The following SPSB1 variants were observed in gnomAD, a reference collection of about 807,000 sequenced individuals.
SPSB1 encodes splA/ryanodine receptor domain and SOCS box containing 1.
SPSB1 carries 8 observed loss-of-function variants against 21.2 expected under a neutral mutation model. The ratio of observed to expected loss-of-function variants is 0.38; its 90% CI spans 0.22 to 0.68. The LOEUF (loss-of-function observed/expected upper bound fraction) is 0.68. Among genes scored for constraint, SPSB1 ranks in the 30% least tolerant of loss-of-function variants. The pLI, the probability that SPSB1 is intolerant of heterozygous loss-of-function variation, is 0.53. For missense variants in SPSB1, 242 were observed against 377.8 expected (o/e 0.64, Z 2.98); for synonymous variants, 169 against 161.7 (o/e 1.05, Z -0.34).
intron 1 of SPSB1, among the ~76,000 whole-genome samples, chr1:9,318,486 C>T (rs1639650303): frequency 6.6e-6 from 1 of 152,214 alleles, no homozygotes; most frequent in South Asian, 2.1e-4. Context: ...CCTCCTTCCT[C>T]CACTCCCAGG....
chr1:9,306,567 T>A (rs534235214), intron 1 of SPSB1, among the ~76,000 whole-genome samples: 1 of 152,288 alleles, frequency 6.6e-6, no homozygotes, highest in African/African-American at 2.4e-5. Context: ...ACTACCCATT[T>A]TACAGATGAG....
At position 9,367,848 on chromosome 1, in the gene SPSB1, ACTC is replaced by A; in HGVS notation, c.*276_*278del. ...CTTTGAAAAAAGACACAGAGAATAA[ACTC>A]CTACGAAAGCCCTACATTGAGCTCC... On this transcript the variant is annotated 3_prime_UTR_variant, in exon 3 of 3. Coordinates refer to ENST00000328089, the MANE Select transcript of SPSB1 (RefSeq NM_025106.4). The surrounding 1 kb of genome is among the most constrained non-coding windows in gnomAD (Gnocchi z 5.9). 2.2e-6 allele frequency: 1 copy of A among 447,932 alleles called. No individual in the cohort carries two copies. Among genetic ancestry groups the A allele is most frequent in the Non-Finnish European group, 4.0e-6 (1 of 250,422 alleles). The allele number at this position is 447,932 out of a possible 1,614,324, so 27.7% of individuals were successfully genotyped here.
chr1:9,359,825 G>A (rs1297161169), intron 2 of SPSB1, among the ~76,000 whole-genome samples: 1 of 148,006 alleles, frequency 6.8e-6, no homozygotes, highest in South Asian at 2.2e-4. Context: ...GAGGTGATGG[G>A]AGCTTGGGCC....
intron 2 of SPSB1, among the ~76,000 whole-genome samples, chr1:9,360,679 T>C (rs1214868992): frequency 6.6e-6 from 1 of 152,206 alleles, no homozygotes; most frequent in Non-Finnish European, 1.5e-5. Flanking sequence ...CCTGTGTATG[T>C]GTCTCTCCGT....
At chr1:9,327,658 A>G (rs914574113) in intron 1 of SPSB1, among the ~76,000 whole-genome samples, 2 of 152,102 alleles carry the variant, frequency 1.3e-5, no homozygotes, top group African/African-American at 4.8e-5. Context: ...GTGGGGGAGA[A>G]ATTTGACCCC....
At chr1:9,350,659 C>G (rs1272846048) in intron 1 of SPSB1, among the ~76,000 whole-genome samples, 1 of 152,218 alleles carries the variant, frequency 6.6e-6, no homozygotes, top group Non-Finnish European at 1.5e-5. Flanking sequence ...CATCTGTCCT[C>G]TGCTCTCCCG....
rs1442951401 is a variant in SPSB1, at chr1:9,348,956, TG to T, written c.-149-6786del. On this transcript the variant is annotated intron_variant, in intron 1 of 2. Coordinates refer to ENST00000328089, the MANE Select transcript of SPSB1 (RefSeq NM_025106.4). The surrounding 1 kb of genome is among the most constrained non-coding windows in gnomAD (Gnocchi z 4.8). The stretch of plus-strand genomic sequence containing the variant: ...GCAAGAATGTGTGTGTGTGTGTGTG[TG>T]TGTGTGTATATGTGCGTGTGTGCAC... 7.3e-5 allele frequency among the ~76,000 whole-genome samples: 11 copies of T among 150,816 alleles called. No homozygotes were observed. The highest frequency in any genetic ancestry group is 1.3e-4 in the Admixed American group (2 of 15,180).
chr1:9,312,652 G>C (rs1172635013), intron 1 of SPSB1, among the ~76,000 whole-genome samples: 1 of 152,162 alleles, frequency 6.6e-6, no homozygotes, highest in African/African-American at 2.4e-5. Context: ...TGTTGGACGA[G>C]CAGCTCATGA....
intron 1 of SPSB1, among the ~76,000 whole-genome samples, chr1:9,344,668 CCTT>C (rs1349414177): frequency 6.6e-6 from 1 of 151,120 alleles, no homozygotes; most frequent in Non-Finnish European, 1.5e-5. Flanking sequence ...TGAACGCTGC[CCTT>C]CTTATTCTTA....
chr1:9,366,676 C>T lies in SPSB1; in HGVS notation c.695-772C>T, dbSNP rs375215572. Among the ~76,000 whole-genome samples the T allele has an allele frequency of 2.6e-5, 4 of 151,482 alleles. No individual in the cohort carries two copies. The East Asian group carries it at 7.8e-4, about 29-fold the overall frequency. ...GCAACCTCCATCTCCCAGGTTCAAG[C>T]GATTCTCCTGCCTCAGACTCCTGAG... On this transcript the variant is annotated intron_variant, in intron 2 of 2. Transcript: ENST00000328089.
chr1:9,352,767 G>T (rs1640285150), intron 1 of SPSB1, among the ~76,000 whole-genome samples: 1 of 151,108 alleles, frequency 6.6e-6, no homozygotes, highest in African/African-American at 2.4e-5. Context: ...CCCTGTTATG[G>T]TCCCTCCTGG....
chr1:9,306,465 A>G (rs1409379038), intron 1 of SPSB1, among the ~76,000 whole-genome samples: 1 of 152,196 alleles, frequency 6.6e-6, no homozygotes, highest in Non-Finnish European at 1.5e-5. Flanking sequence ...AATAGCCATC[A>G]ACGATGTGGC....
At chr1:9,331,321 GTTTTTT>G (rs34199175) in intron 1 of SPSB1, among the ~76,000 whole-genome samples, 4 of 53,704 alleles carry the variant, frequency 7.4e-5, no homozygotes, top group Admixed American at 3.0e-4. Context: ...TGGTGCTCTT[GTTTTTT>G]TTTTTTTTTT....
At chr1:9,335,321 G>A (rs961962587) in intron 1 of SPSB1, among the ~76,000 whole-genome samples, 1 of 151,636 alleles carries the variant, frequency 6.6e-6, no homozygotes, top group East Asian at 1.9e-4. Flanking sequence ...GGCCAACATG[G>A]CGAAACCCCG....
chr1:9,349,212 G>T (rs956909815), intron 1 of SPSB1, among the ~76,000 whole-genome samples: 1 of 152,202 alleles, frequency 6.6e-6, no homozygotes, highest in African/African-American at 2.4e-5. Flanking sequence ...GCTGCTCTCC[G>T]GCTCTGAGGG....
chr1:9,319,300 G>C (rs1380219273), intron 1 of SPSB1, among the ~76,000 whole-genome samples: 2 of 152,228 alleles, frequency 1.3e-5, no homozygotes, highest in African/African-American at 4.8e-5. Flanking sequence ...CTGCGGGTCA[G>C]CATGTGGACA....
chr1:9,306,927 CTTCTTT>C (rs1458169749), intron 1 of SPSB1, among the ~76,000 whole-genome samples: 2 of 32,760 alleles, frequency 6.1e-5, no homozygotes, highest in Admixed American at 2.9e-4. Flanking sequence ...TTCTTCTTTT[CTTCTTT>C]TTTTTTTTTT....
intron 1 of SPSB1, among the ~76,000 whole-genome samples, chr1:9,331,045 TG>T (rs1245814656): frequency 6.6e-6 from 1 of 152,198 alleles, no homozygotes; most frequent in Non-Finnish European, 1.5e-5. Context: ...TCTGCATCTT[TG>T]GGGATGCCAT....
At chr1:9,315,676 A>T (rs990951033) in intron 1 of SPSB1, among the ~76,000 whole-genome samples, 3 of 152,222 alleles carry the variant, frequency 2.0e-5, no homozygotes, top group Admixed American at 6.5e-5. Flanking sequence ...TCGACCCTCT[A>T]CTAGGGCATC....
Sources: gnomAD v4.1 joint callset for allele counts (sites outside exome capture counted in the v4.1 genomes callset) on GRCh38, gnomAD v4.1.1 for gene constraint, Gnocchi (gnomAD v3.1) non-coding constraint, MANE v1.5 for transcripts, NCBI Gene and HGNC (gene_info 2026-07-23, HGNC 2026-07-21) for gene names.